SHE: variants seen among roughly 807,000 people sequenced by gnomAD.
SHE encodes the protein Src homology 2 domain containing E.
SHE carries 11 observed loss-of-function variants against 49.8 expected under a neutral mutation model. The observed-to-expected ratio is 0.22, with a 90% CI of 0.14 to 0.37. SHE has a LOEUF of 0.37. Ranked by LOEUF, SHE falls within the 10% of genes least tolerant of loss-of-function variation. SHE has a pLI of 1.00. For missense variants in SHE, 624 were observed against 655.5 expected (o/e 0.95, Z 0.52); for synonymous variants, 310 against 278.1 (o/e 1.11, Z -1.14).
In SHE at chr1:154,473,474, G is replaced by T. The variant is rs952956001; in HGVS notation, c.103-3112C>A. ...CGGGCAACAGGTTGAGACGCTGTGT[G>T]TTGGGGGGACAGGGGTCGAAGGGGA... On this transcript the variant is annotated intron_variant, in intron 1 of 1. Transcript: ENST00000486773. 2.0e-5 allele frequency among the ~76,000 whole-genome samples: 3 copies of T among 151,630 alleles called. 1 individual carries two copies. The South Asian group carries it at 6.3e-4, about 32-fold the overall frequency.
chr1:154,490,007 A>G (rs1025578233), intron 2 of SHE, among the ~76,000 whole-genome samples: 3 of 152,262 alleles, frequency 2.0e-5, no homozygotes, highest in South Asian at 4.1e-4. Flanking sequence ...TACTGAATGC[A>G]TATCACTTTT....
At position 154,483,256 on chromosome 1, in the gene SHE, T is replaced by C. The variant is rs1007817065; in HGVS notation, c.*893A>G. ...GAGATTGAGAGAACACACACTTTCTTGGAAAGGCTGACCAACAAAATAATC... is the reference window on the plus strand; with the variant it reads ...GAGATTGAGAGAACACACACTTTCTCGGAAAGGCTGACCAACAAAATAATC... On this transcript the variant is annotated 3_prime_UTR_variant, in exon 6 of 6. Coordinates refer to ENST00000304760, the MANE Select transcript of SHE (RefSeq NM_001010846.3). 5.1e-6 allele frequency: 5 copies of C among 985,416 alleles called. No homozygotes were observed. Among genetic ancestry groups the C allele is most frequent in the Non-Finnish European group, 6.0e-6 (5 of 829,936 alleles). 61.0% of individuals were successfully genotyped at this position (985,416 alleles called of 1,614,324 possible). A position where few individuals can be genotyped will look rare whatever the true frequency, so the allele number is the denominator to read the frequency against.
At chr1:154,496,143 G>A (rs1177841915) in intron 2 of SHE, among the ~76,000 whole-genome samples, 1 of 152,210 alleles carries the variant, frequency 6.6e-6, no homozygotes, top group South Asian at 2.1e-4. Context: ...GTAACCTACG[G>A]GTAGAATAAG....
At chr1:154,491,177 A>C (rs1325138924) in intron 2 of SHE, among the ~76,000 whole-genome samples, 1 of 152,234 alleles carries the variant, frequency 6.6e-6, no homozygotes, top group Non-Finnish European at 1.5e-5. Flanking sequence ...GTCATAGTCA[A>C]GGAGGAACTT....
In SHE at chr1:154,472,886, G is replaced by T. The variant is rs147700711; in HGVS notation, c.103-2524C>A. Among the ~76,000 whole-genome samples, 1,249 of 152,306 alleles carry T rather than the reference G, an allele frequency of 8.2e-3. 7 individuals carry two copies. Among genetic ancestry groups the T allele is most frequent in the Non-Finnish European group, 0.014 (975 of 68,016 alleles). On this transcript the variant is annotated intron_variant, in intron 1 of 1. Coordinates refer to the SHE transcript ENST00000486773. ...CCTAATAATAATGGCTACTGGCTGG[G>T]CGCAGTGGCTCACACCTGTAATTCC...
chr1:154,500,329 CAT>C (rs1692669354), intron 1 of SHE, among the ~76,000 whole-genome samples: 1 of 152,204 alleles, frequency 6.6e-6, no homozygotes, highest in African/African-American at 2.4e-5. Context: ...CACTGAATAA[CAT>C]ATGAGCTGGG....
At chr1:154,500,999 C>T (rs1338157509) in intron 1 of SHE, among the ~76,000 whole-genome samples, 1 of 151,662 alleles carries the variant, frequency 6.6e-6, no homozygotes, top group Non-Finnish European at 1.5e-5. Flanking sequence ...GTTGGTTAAA[C>T]CATTTCCTGA....
chr1:154,501,559 G>A lies in SHE; in HGVS notation c.468C>T (p.Asn156=). 2 of 1,614,032 alleles carry A rather than the reference G, an allele frequency of 1.2e-6. No homozygotes were observed. Among genetic ancestry groups the A allele is most frequent in the Non-Finnish European group, 1.7e-6 (2 of 1,179,942 alleles). Residue 156 remains asparagine (N), a synonymous_variant, in exon 1 of 6, where the codon AAC becomes AAT. Coordinates refer to ENST00000304760, the MANE Select transcript of SHE (RefSeq NM_001010846.3). ...RLIKVDTQEK[N]GKSNYPSSSS... ...TGCTGCTGGGGTAGTTGCTCTTCCC[G>A]TTCTTCTCCTGAGTGTCCACCTTGA...
intron 2 of SHE, among the ~76,000 whole-genome samples, chr1:154,494,491 G>C (rs1692464214): frequency 1.4e-5 from 2 of 147,262 alleles, no homozygotes; most frequent in South Asian, 4.3e-4. Flanking sequence ...TAGGATTATA[G>C]GCATGAGCCA....
rs1692069538 is a variant in SHE, at chr1:154,483,241, G to A, written c.*908C>T. Reference sequence around the variant, plus strand: ...ATGAGAAAATCCACAGAGATTGAGAGAACACACACTTTCTTGGAAAGGCTG... The same window carrying A: ...ATGAGAAAATCCACAGAGATTGAGAAAACACACACTTTCTTGGAAAGGCTG... On this transcript the variant is annotated 3_prime_UTR_variant, in exon 6 of 6. Transcript: ENST00000304760. The A allele has an allele frequency of 3.0e-6, 3 of 985,242 alleles. No homozygotes were observed. In the African/African-American group the frequency reaches 5.2e-5, roughly 17 times the overall value. 61.0% of individuals were successfully genotyped at this position (985,242 alleles called of 1,614,324 possible).
intron 1 of SHE, among the ~76,000 whole-genome samples, chr1:154,471,555 CA>C (rs1691742877): frequency 6.6e-6 from 1 of 152,042 alleles, no homozygotes; most frequent in Non-Finnish European, 1.5e-5. Flanking sequence ...CCCTGGGTGA[CA>C]GCAAGACCTT....
Position 154,480,761 on chromosome 1 carries a change from T to C in SHE, c.*3388A>G. The C allele has an allele frequency of 5.1e-6, 5 of 985,450 alleles. No individual in the cohort carries two copies. Among genetic ancestry groups the C allele is most frequent in the Non-Finnish European group, 6.0e-6 (5 of 829,936 alleles). The allele number at this position is 985,450 out of a possible 1,614,324, so 61.0% of individuals were successfully genotyped here. ...TACATATTAACACTTCTCCATTATT[T>C]TATTCCTAGCTTAAATACACACAAG... On this transcript the variant is annotated 3_prime_UTR_variant, in exon 6 of 6. Transcript: ENST00000304760.
At position 154,501,985 on chromosome 1, in the gene SHE, G is replaced by A. The variant is rs1472563467; in HGVS notation, c.42C>T (p.Gly14=). ...SPTPGASACL[G]WASSLACSTA... is the part of the protein sequence containing the mutation. ...TGGAGCAGGCGAGCGAGGAAGCCCA[G>A]CCCAGACACGCAGAGGCGCCAGGGG... The change falls in exon 1 of 6, where the codon GGC becomes GGT. Residue 14 remains glycine, a synonymous_variant. Transcript: ENST00000304760. The A allele has an allele frequency of 2.1e-6, 3 of 1,402,932 alleles. No individual in the cohort carries two copies. Among genetic ancestry groups the A allele is most frequent in the Non-Finnish European group, 2.8e-6 (3 of 1,087,994 alleles). 86.9% of individuals were successfully genotyped at this position (1,402,932 alleles called of 1,614,324 possible).
At chr1:154,499,562 T>C (rs1692644467) in intron 1 of SHE, among the ~76,000 whole-genome samples, 1 of 152,144 alleles carries the variant, frequency 6.6e-6, no homozygotes, top group Non-Finnish European at 1.5e-5. Flanking sequence ...AGGCTACCTG[T>C]GGCTTTAGAG....
chr1:154,497,451 T>C (rs1482935024), intron 2 of SHE, among the ~76,000 whole-genome samples: 1 of 152,252 alleles, frequency 6.6e-6, no homozygotes, highest in Non-Finnish European at 1.5e-5. Context: ...TAAGGAAAAC[T>C]AGGTGAAGAC....
At position 154,502,141 on chromosome 1, in the gene SHE, C is replaced by G. The variant is rs990276887; in HGVS notation, c.-115G>C. The G allele has an allele frequency of 3.0e-5, 26 of 866,084 alleles. 1 individual carries two copies. The South Asian group carries it at 6.3e-4, about 21-fold the overall frequency. The allele number at this position is 866,084 out of a possible 1,614,324, so 53.6% of individuals were successfully genotyped here. A position where few individuals can be genotyped will look rare whatever the true frequency, so the allele number is the denominator to read the frequency against. On this transcript the variant is annotated 5_prime_UTR_variant, in exon 1 of 6. Coordinates refer to ENST00000304760, the MANE Select transcript of SHE (RefSeq NM_001010846.3). ...GGTGGGGTTCTCACGGCTCGGGGCG[C>G]CGAGCGGGCGGGCGCTAGCCTCTGC... is the stretch of plus-strand genomic sequence containing the variant.
chr1:154,471,410 C>CA (rs1288894084), intron 1 of SHE, among the ~76,000 whole-genome samples: 2 of 151,788 alleles, frequency 1.3e-5, no homozygotes, highest in Non-Finnish European at 2.9e-5. Context: ...CCTATATCTA[C>CA]AAAAAAGAAA....
In SHE at chr1:154,482,386, C is replaced by A; in HGVS notation, c.*1763G>T. The A allele has an allele frequency of 1.0e-6, 1 of 985,326 alleles. No individual in the cohort carries two copies. The highest frequency in any genetic ancestry group is 1.2e-6 in the Non-Finnish European group (1 of 829,888). The allele number at this position is 985,326 out of a possible 1,614,324, so 61.0% of individuals were successfully genotyped here. On this transcript the variant is annotated 3_prime_UTR_variant, in exon 6 of 6. Coordinates refer to ENST00000304760, the MANE Select transcript of SHE (RefSeq NM_001010846.3). ...CTCTTAAATTTTTAAAATCAAAGAT[C>A]ACACAACCTTTTGGCTGAGATCTTA...
At chr1:154,477,768 G>A (rs1691913821), downstream of SHE, among the ~76,000 whole-genome samples, 1 of 151,768 alleles carries the variant, frequency 6.6e-6, no homozygotes, top group Non-Finnish European at 1.5e-5. Flanking sequence ...GCGCATGCCT[G>A]TAGTCCCAGC....
Sources: gnomAD v4.1 joint callset for allele counts (sites outside exome capture counted in the v4.1 genomes callset) on GRCh38, gnomAD v4.1.1 for gene constraint, MANE v1.5 for transcripts, NCBI Gene and HGNC (gene_info 2026-07-23, HGNC 2026-07-21) for gene names.